The following HRH2 variants were observed in gnomAD, a reference collection of about 807,000 sequenced individuals.
The protein encoded by HRH2 is histamine receptor H2, also known as histamine H2 receptor.
HRH2 carries 4 observed loss-of-function variants against 20.1 expected under a neutral mutation model. The observed-to-expected ratio is 0.20, with a 90% CI of 0.10 to 0.45. The LOEUF (loss-of-function observed/expected upper bound fraction) is 0.45. Among genes scored for constraint, HRH2 ranks in the 20% least tolerant of loss-of-function variants. HRH2 has a pLI of 0.99. For missense variants in HRH2, 250 were observed against 461.6 expected, an observed-to-expected ratio of 0.54 and a Z score of 4.20; for synonymous variants, 197 against 200.7, an observed-to-expected ratio of 0.98 and a Z score of 0.16.
intron 1 of HRH2, among the ~76,000 whole-genome samples, chr5:175,660,701 G>A (rs966745360): frequency 7.9e-5 from 12 of 152,088 alleles, no homozygotes; most frequent in Non-Finnish European, 2.9e-5. Flanking sequence ...GGTAACTTAC[G>A]GTTCAGTAAA....
chr5:175,670,172 C>T (rs984566097), intron 1 of HRH2, among the ~76,000 whole-genome samples: 3 of 152,122 alleles, frequency 2.0e-5, no homozygotes, highest in Non-Finnish European at 2.9e-5. Context: ...TGGAGCCAGG[C>T]CTGTAATCCC....
intron 2 of HRH2, among the ~76,000 whole-genome samples, chr5:175,699,700 A>C (rs1227236030): frequency 6.6e-6 from 1 of 152,106 alleles, no homozygotes; most frequent in East Asian, 1.9e-4. Context: ...CAGCCTCCCG[A>C]GTAGCTGGGA....
intron 1 of HRH2, among the ~76,000 whole-genome samples, chr5:175,671,672 T>A (rs1251425555): frequency 6.6e-6 from 1 of 152,128 alleles, no homozygotes; most frequent in Non-Finnish European, 1.5e-5. Context: ...CCCACAAAAT[T>A]GCAAGTATTA....
intron 1 of HRH2, among the ~76,000 whole-genome samples, chr5:175,664,360 CAA>C (rs1762824699): frequency 6.6e-6 from 1 of 152,158 alleles, no homozygotes; most frequent in African/African-American, 2.4e-5. Context: ...GAAGATACAG[CAA>C]TGGATACACC....
chr5:175,662,094 G>A (rs1227155835), intron 1 of HRH2, among the ~76,000 whole-genome samples: 1 of 152,142 alleles, frequency 6.6e-6, no homozygotes, highest in Non-Finnish European at 1.5e-5. Context: ...TGTGGCGAGA[G>A]TGGTGTGTAA....
chr5:175,707,603 T>C (rs950277210), intron 2 of HRH2, among the ~76,000 whole-genome samples, 176 bp from the exon 3 acceptor site: 1 of 152,136 alleles, frequency 6.6e-6, no homozygotes, highest in African/African-American at 2.4e-5. Context: ...AGGGAAGAAG[T>C]CTTTGTTGCC....
At chr5:175,704,230 T>G (rs1756872266) in intron 2 of HRH2, among the ~76,000 whole-genome samples, 1 of 151,980 alleles carries the variant, frequency 6.6e-6, no homozygotes. Flanking sequence ...TACAAAAATT[T>G]CAGAGCATTA....
rs1278036663 is a variant in HRH2 at position 175,707,761 on chromosome 5, G to A, written c.1077-18G>A. On this transcript the variant is annotated intron_variant, in intron 2 of 2. Coordinates refer to ENST00000636584, the MANE Select transcript of HRH2 (RefSeq NM_001367711.1). Reference sequence around the variant, plus strand: ...CTCTGTGGCCACCTCAGCCTGGCATGTGCTTGTGTCTCCTCAGGAAGCCAG... The same window carrying A: ...CTCTGTGGCCACCTCAGCCTGGCATATGCTTGTGTCTCCTCAGGAAGCCAG... 1 of 397,190 alleles carries A rather than the reference G, an allele frequency of 2.5e-6. No homozygotes were observed. The highest frequency in any genetic ancestry group is 4.4e-6 in the Non-Finnish European group (1 of 225,530). The allele number at this position is 397,190 out of a possible 1,614,324, so 24.6% of individuals were successfully genotyped here.
rs937011167 is a variant in HRH2, at chr5:175,693,010, G to C, written c.1076+8701G>C. Among the ~76,000 whole-genome samples, 3 of 152,204 alleles carry C rather than the reference G, an allele frequency of 2.0e-5. No homozygotes were observed. Reference sequence around the variant, plus strand: ...GGCATAGGGCGGGACTGCAGAGAGAGCCCCAGCCATGGGGAGAGGAGACCA... The same window carrying C: ...GGCATAGGGCGGGACTGCAGAGAGACCCCCAGCCATGGGGAGAGGAGACCA... On this transcript the variant is annotated intron_variant, in intron 2 of 2. Transcript: ENST00000636584. The surrounding 1 kb of genome is among the most constrained non-coding windows in gnomAD (Gnocchi z 4.4).
chr5:175,675,367 G>C (rs1237488645), intron 1 of HRH2, among the ~76,000 whole-genome samples: 3 of 152,166 alleles, frequency 2.0e-5, no homozygotes, highest in Non-Finnish European at 4.4e-5. Flanking sequence ...TCAGAACTAA[G>C]TCCAAACTCC....
At position 175,692,306 on chromosome 5, in the gene HRH2, G is replaced by A. The variant is rs540928337; in HGVS notation, c.1076+7997G>A. ...TTTGAGCGGCATATCATTTTCACAG[G>A]GTCACGAAATGTTATTCTATTATTT... On this transcript the variant is annotated intron_variant, in intron 2 of 2. Transcript: ENST00000636584. 3.9e-5 allele frequency among the ~76,000 whole-genome samples: 6 copies of A among 152,300 alleles called. No homozygotes were observed. The South Asian group carries it at 1.2e-3, about 32-fold the overall frequency.
At position 175,700,341 on chromosome 5, in the gene HRH2, G is replaced by C. The variant is rs182853073; in HGVS notation, c.1077-7438G>C. The stretch of plus-strand genomic sequence containing the variant: ...GACCATCTGTGAATTTGGGAAGTTA[G>C]AAGACAGGAGAATCACTATCCAAAA... On this transcript the variant is annotated intron_variant, in intron 2 of 2. Coordinates refer to ENST00000636584, the MANE Select transcript of HRH2 (RefSeq NM_001367711.1). Among the ~76,000 whole-genome samples, 26 of 152,314 alleles carry C rather than the reference G, an allele frequency of 1.7e-4. 1 individual carries two copies. In the East Asian group the frequency reaches 4.4e-3, roughly 26 times the overall value.
Position 175,687,328 on chromosome 5 carries a change from G to A in HRH2, c.1076+3019G>A, listed in dbSNP as rs1045195709. On this transcript the variant is annotated intron_variant, in intron 2 of 2. Transcript: ENST00000636584. The surrounding 1 kb of genome is among the most constrained non-coding windows in gnomAD (Gnocchi z 5.2). ...CTGATAGCATGTCCTCCAGCTCTCC[G>A]TCTGGGGACAAACCCGCACTGACCC... Among the ~76,000 whole-genome samples, 13 of 152,124 alleles carry A rather than the reference G, an allele frequency of 8.5e-5. No homozygotes were observed. Among genetic ancestry groups the A allele is most frequent in the Admixed American group, 2.0e-4 (3 of 15,272 alleles).
rs1385687883 is a variant in HRH2 at position 175,693,617 on chromosome 5, TAG to T, written c.1076+9311_1076+9312del. Among the ~76,000 whole-genome samples the T allele has an allele frequency of 1.3e-5, 2 of 152,192 alleles. No individual in the cohort carries two copies. The highest frequency in any genetic ancestry group is 1.3e-4 in the Admixed American group (2 of 15,272). On this transcript the variant is annotated intron_variant, in intron 2 of 2. Transcript: ENST00000636584. This position sits in a 1 kb window ranked among gnomAD's most constrained non-coding sequence, Gnocchi z 4.4. The stretch of plus-strand genomic sequence containing the variant: ...CCTTCTCATGCTGAATCTGGAGACG[TAG>T]AGTTTTAAAACTTACTGTGAAAATG...
intron 1 of HRH2, among the ~76,000 whole-genome samples, chr5:175,680,073 G>A (rs1415131958): frequency 6.6e-6 from 1 of 152,196 alleles, no homozygotes; most frequent in Non-Finnish European, 1.5e-5. Flanking sequence ...TGCCCAGGAG[G>A]ATCCAGCAGG....
intron 2 of HRH2, among the ~76,000 whole-genome samples, chr5:175,698,293 C>T (rs615154): frequency 0.1 from 15,510 of 152,194 alleles, 2,494 homozygotes; most frequent in African/African-American, 0.34. Flanking sequence ...TGTGCCGTTT[C>T]GCCTAATCCA....
chr5:175,673,078 C>T (rs543880526), intron 1 of HRH2, among the ~76,000 whole-genome samples: 48 of 152,110 alleles, frequency 3.2e-4, no homozygotes, highest in Admixed American at 6.5e-4. Flanking sequence ...GAGCGTGTAA[C>T]AGGACAAAAC....
rs547970845 is a variant in HRH2 at position 175,708,929 on chromosome 5, T to A, written c.*958T>A. ...CTTGAGGGACTGTAATGGTTGTGAA[T>A]GGGGGAGTTGGCCCCCAGCACTCTC... On this transcript the variant is annotated 3_prime_UTR_variant, in exon 3 of 3. Transcript: ENST00000636584. 4 of 152,058 alleles carry A rather than the reference T, an allele frequency of 2.6e-5. No individual in the cohort carries two copies. The highest frequency in any genetic ancestry group is 9.7e-5 in the African/African-American group (4 of 41,364). 9.4% of individuals were successfully genotyped at this position (152,058 alleles called of 1,614,324 possible).
At chr5:175,703,064 A>C (rs1197965972) in intron 2 of HRH2, among the ~76,000 whole-genome samples, 1 of 152,226 alleles carries the variant, frequency 6.6e-6, no homozygotes, top group African/African-American at 2.4e-5. Flanking sequence ...CAAAATTTAA[A>C]GACTAAGCAT....
Sources: gnomAD v4.1 joint callset for allele counts (sites outside exome capture counted in the v4.1 genomes callset) on GRCh38, gnomAD v4.1.1 for gene constraint, Gnocchi (gnomAD v3.1) non-coding constraint, MANE v1.5 for transcripts, NCBI Gene and HGNC (gene_info 2026-07-23, HGNC 2026-07-21) for gene names.